The following LRRTM4 variants were observed in gnomAD, a reference collection of about 807,000 sequenced individuals.
LRRTM4 encodes leucine rich repeat transmembrane neuronal 4.
A neutral mutation model predicts 47.6 loss-of-function variants in LRRTM4; 25 were observed. That is an observed-to-expected ratio of 0.53 (90% CI 0.38 to 0.73). The LOEUF (loss-of-function observed/expected upper bound fraction) is 0.73. Among genes scored for constraint, LRRTM4 ranks in the 30% least tolerant of loss-of-function variants. The probability of loss-of-function intolerance (pLI) is 0.00; values close to 1 mark genes in which losing one functional copy is unlikely to be tolerated. For missense variants in LRRTM4, 638 were observed against 713.4 expected (o/e 0.89, Z 1.20); for synonymous variants, 311 against 269.5 (o/e 1.15, Z -1.51).
rs1383554161 is a variant in LRRTM4 at position 77,217,461 on chromosome 2, A to ATATATATATATATATATG, written c.1551+300856_1551+300857insCATATATATATATATATA. 1.1e-3 allele frequency among the ~76,000 whole-genome samples: 151 copies of ATATATATATATATATATG among 138,530 alleles called. 2 individuals carry two copies. The highest frequency in any genetic ancestry group is 4.0e-3 in the African/African-American group (145 of 36,136). 90.9% of individuals were successfully genotyped at this position (138,530 alleles called of 152,430 possible). On this transcript the variant is annotated intron_variant, in intron 3 of 3. Coordinates refer to ENST00000409884, the MANE Select transcript of LRRTM4 (RefSeq NM_001134745.3). ...ATGAAATATATATATATATATATAT[A>ATATATATATATATATATG]TATATATACTAAGCCTTTAATTTAA...
At chr2:76,815,935 T>C (rs201314638) in intron 3 of LRRTM4, among the ~76,000 whole-genome samples, 7 of 152,116 alleles carry the variant, frequency 4.6e-5, no homozygotes, top group African/African-American at 7.2e-5. Context: ...CCCTTTTTTT[T>C]CTCTAAAAAT....
At chr2:77,319,676 T>G (rs1018124135) in intron 3 of LRRTM4, among the ~76,000 whole-genome samples, 2 of 152,210 alleles carry the variant, frequency 1.3e-5, no homozygotes, top group African/African-American at 4.8e-5. Context: ...ACACAATTTC[T>G]CAAATAGGAG....
rs1328534247 is a variant in LRRTM4, at chr2:77,518,849, C to T, written c.1020G>A (p.Ala340=). The T allele has an allele frequency of 1.2e-6, 2 of 1,608,372 alleles. No homozygotes were observed. The highest frequency in any genetic ancestry group is 1.3e-5 in the African/African-American group (1 of 74,934). Residue 340 remains alanine (A), a synonymous_variant, in exon 3 of 4, where the codon GCG becomes GCA. Coordinates refer to ENST00000409884, the MANE Select transcript of LRRTM4 (RefSeq NM_001134745.3). ...KGNKESTMIC[A]GPKHIQGEKV... ...TTTCACCCTGGATGTGCTTAGGTCC[C>T]GCACATATCATGGTGCTTTCCTTAT...
intron 3 of LRRTM4, among the ~76,000 whole-genome samples, chr2:77,196,485 T>G (rs1027583577): frequency 6.6e-6 from 1 of 152,144 alleles, no homozygotes; most frequent in Admixed American, 6.6e-5. Flanking sequence ...TGTAATCCCA[T>G]GTAATCCCAG....
chr2:77,243,278 T>C (rs1189351596), intron 3 of LRRTM4, among the ~76,000 whole-genome samples: 1 of 151,680 alleles, frequency 6.6e-6, no homozygotes, highest in Non-Finnish European at 1.5e-5. Flanking sequence ...GGTGTGGTGG[T>C]GCATGCCTGT....
chr2:76,781,140 C>A (rs1228471212), intron 3 of LRRTM4, among the ~76,000 whole-genome samples: 1 of 152,276 alleles, frequency 6.6e-6, no homozygotes, highest in Non-Finnish European at 1.5e-5. Flanking sequence ...GCTGGGAGAA[C>A]CACAGCTCTC....
chr2:77,454,749 T>A (rs1234933036), intron 3 of LRRTM4, among the ~76,000 whole-genome samples: 1 of 152,210 alleles, frequency 6.6e-6, no homozygotes, highest in Non-Finnish European at 1.5e-5. Context: ...GTTCATTTAT[T>A]AACTTTACTC....
chr2:76,949,203 T>C (rs952945678), intron 3 of LRRTM4, among the ~76,000 whole-genome samples: 5 of 151,898 alleles, frequency 3.3e-5, no homozygotes, highest in African/African-American at 4.8e-5. Context: ...TCTTCAGTTA[T>C]TGGAGAAATC....
chr2:77,091,850 G>A (rs1190523457), intron 3 of LRRTM4, among the ~76,000 whole-genome samples: 3 of 145,686 alleles, frequency 2.1e-5, no homozygotes, highest in Non-Finnish European at 4.4e-5. Flanking sequence ...CCTGCCAATC[G>A]TGTCCAACTG....
At chr2:77,390,465 T>C (rs1309407167) in intron 3 of LRRTM4, among the ~76,000 whole-genome samples, 3 of 152,028 alleles carry the variant, frequency 2.0e-5, no homozygotes, top group Non-Finnish European at 4.4e-5. Context: ...AAATTGCACA[T>C]TGCAGTCAAG....
chr2:76,762,793 C>T (rs1398756081), intron 3 of LRRTM4, among the ~76,000 whole-genome samples: 1 of 152,090 alleles, frequency 6.6e-6, no homozygotes, highest in Non-Finnish European at 1.5e-5. Flanking sequence ...GAACATGGCT[C>T]TACACACCAC....
intron 3 of LRRTM4, among the ~76,000 whole-genome samples, chr2:77,190,605 A>T (rs1412915632): frequency 6.6e-6 from 1 of 152,104 alleles, no homozygotes; most frequent in East Asian, 1.9e-4. Flanking sequence ...CAGCCAACAG[A>T]GCATTTTCTT....
chr2:77,521,961 A>G, intron 1 of LRRTM4, 143 bp from the exon 2 acceptor site: 1 of 599,522 alleles, frequency 1.7e-6, no homozygotes, highest in Admixed American at 2.9e-5. Context: ...GGGATGGGGG[A>G]GGGCCTCTAG....
chr2:76,994,294 AAAAT>A lies in LRRTM4; in HGVS notation c.1552-245382_1552-245379del, dbSNP rs566580586. Among the ~76,000 whole-genome samples, 34 of 151,952 alleles carry A rather than the reference AAAAT, an allele frequency of 2.2e-4. 1 individual carries two copies. In the South Asian group the frequency reaches 5.6e-3, roughly 25 times the overall value. On this transcript the variant is annotated intron_variant, in intron 3 of 3. Coordinates refer to ENST00000409884, the MANE Select transcript of LRRTM4 (RefSeq NM_001134745.3). ...AGTTGAAATTATTTTAAAAATTATA[AAAAT>A]AAACAATTGAGAAAAAAATAAAATA...
intron 3 of LRRTM4, among the ~76,000 whole-genome samples, chr2:76,839,455 T>C (rs948988516): frequency 1.3e-5 from 2 of 152,174 alleles, no homozygotes; most frequent in Non-Finnish European, 2.9e-5. Context: ...TTTTGCTATA[T>C]AGTAATTTGA....
intron 3 of LRRTM4, among the ~76,000 whole-genome samples, chr2:77,111,746 G>A (rs1381051961): frequency 6.6e-6 from 1 of 152,042 alleles, no homozygotes; most frequent in Non-Finnish European, 1.5e-5. Context: ...GAGTGCAAGA[G>A]TAGTGATGCT....
At chr2:77,304,684 T>C (rs1215280527) in intron 3 of LRRTM4, among the ~76,000 whole-genome samples, 1 of 152,152 alleles carries the variant, frequency 6.6e-6, no homozygotes, top group African/African-American at 2.4e-5. Flanking sequence ...ATATAATAAC[T>C]AGCATGTACT....
intron 3 of LRRTM4, among the ~76,000 whole-genome samples, chr2:77,076,687 GAATAA>G (rs1361342770): frequency 1.3e-5 from 2 of 152,142 alleles, no homozygotes; most frequent in Non-Finnish European, 2.9e-5. Context: ...AGAAATGATA[GAATAA>G]AAGTCATGCA....
At chr2:77,043,012 T>C (rs1679089468) in intron 3 of LRRTM4, among the ~76,000 whole-genome samples, 1 of 151,748 alleles carries the variant, frequency 6.6e-6, no homozygotes, top group African/African-American at 2.4e-5. Context: ...TCTCAATATA[T>C]GCTGGGACTC....
Sources: gnomAD v4.1 joint callset for allele counts (sites outside exome capture counted in the v4.1 genomes callset) on GRCh38, gnomAD v4.1.1 for gene constraint, MANE v1.5 for transcripts, NCBI Gene and HGNC (gene_info 2026-07-23, HGNC 2026-07-21) for gene names.